CLASP1: variants seen among roughly 807,000 people sequenced by gnomAD.
The protein encoded by CLASP1 is cytoplasmic linker associated protein 1, also known as CLIP-associating protein 1.
In CLASP1, 38 loss-of-function variants were observed where a neutral mutation model predicts 192.3. The observed-to-expected ratio is 0.20, with a 90% confidence interval of 0.15 to 0.26. The LOEUF is 0.26. Ranked by LOEUF, CLASP1 falls within the 10% of genes least tolerant of loss-of-function variation. The pLI is 1.00. For synonymous variants in CLASP1, 691 were observed against 712.8 expected, an observed-to-expected ratio of 0.97 and a Z score of 0.49; for missense variants, 1,433 against 1,932.5, an observed-to-expected ratio of 0.74 and a Z score of 4.85.
intron 1 of CLASP1, among the ~76,000 whole-genome samples, chr2:121,624,858 A>G (rs1463203462): frequency 3.3e-5 from 5 of 152,250 alleles, no homozygotes; most frequent in Non-Finnish European, 7.3e-5. Flanking sequence ...TCATCATGAT[A>G]TGATATATTT....
chr2:121,625,553 G>A (rs1259808942), intron 1 of CLASP1, among the ~76,000 whole-genome samples: 3 of 148,900 alleles, frequency 2.0e-5, no homozygotes, highest in Non-Finnish European at 4.4e-5. Context: ...TCCTGCCTCA[G>A]CCTCCCAAGT....
chr2:121,624,510 G>A (rs1473417569), intron 1 of CLASP1, among the ~76,000 whole-genome samples: 1 of 152,072 alleles, frequency 6.6e-6, no homozygotes, highest in Non-Finnish European at 1.5e-5. Context: ...TCCACCTCCT[G>A]GGTCCAAGCT....
intron 2 of CLASP1, among the ~76,000 whole-genome samples, chr2:121,563,905 A>T (rs1178178229): frequency 6.6e-6 from 1 of 152,224 alleles, no homozygotes; most frequent in Non-Finnish European, 1.5e-5. Flanking sequence ...ACATGGCTGG[A>T]GAGGCCTCAC....
chr2:121,367,677 G>C (rs376007044), exon 35 of CLASP1: 4 of 1,613,920 alleles, frequency 2.5e-6, no homozygotes, highest in Admixed American at 1.7e-5. Context: ...GTAGGGGTAC[G>C]GGTTGTAGTC....
At chr2:121,340,984 A>G (rs2062710407) in intron 39 of CLASP1, 37 bp from the exon 41 acceptor site, 1 of 1,407,580 alleles carries the variant, frequency 7.1e-7, no homozygotes, top group Non-Finnish European at 9.9e-7. Context: ...AGCAGGAAGA[A>G]AAGCAATCAG....
intron 1 of CLASP1, among the ~76,000 whole-genome samples, chr2:121,617,062 A>C (rs1401445985): frequency 6.6e-6 from 1 of 152,224 alleles, no homozygotes; most frequent in Non-Finnish European, 1.5e-5. Flanking sequence ...GGGAATTGCA[A>C]GGATGGGGCA....
rs766613523 is a variant in CLASP1, at chr2:121,404,323, C to G, written c.2733+48G>C. The G allele has an allele frequency of 2.5e-6, 4 of 1,597,620 alleles. No individual in the cohort carries two copies. The Admixed American group carries it at 6.9e-5, about 28-fold the overall frequency. On this transcript the variant is annotated intron_variant, in intron 26 of 39. Coordinates refer to ENST00000263710, the Ensembl canonical transcript of CLASP1. Reference sequence around the variant, plus strand: ...CTTGGGTAGTATATCACACAGAGCACACAGACATGCAGGGGTAAAGACAGG... The same window carrying G: ...CTTGGGTAGTATATCACACAGAGCAGACAGACATGCAGGGGTAAAGACAGG...
chr2:121,441,140 C>A (rs1037195967), intron 19 of CLASP1, among the ~76,000 whole-genome samples: 2 of 152,170 alleles, frequency 1.3e-5, no homozygotes, highest in Admixed American at 1.3e-4. Flanking sequence ...TCTTGTTAGG[C>A]AAATGAAAAA....
chr2:121,605,934 C>CTAG (rs984704203), exon 2 of CLASP1: 5 of 1,585,084 alleles, frequency 3.2e-6, no homozygotes, highest in Non-Finnish European at 4.3e-6. Context: ...AGCTAGAGGG[C>CTAG]AGTCACGATG....
At chr2:121,562,321 T>A (rs1011411778) in intron 2 of CLASP1, among the ~76,000 whole-genome samples, 1 of 152,226 alleles carries the variant, frequency 6.6e-6, no homozygotes, top group Non-Finnish European at 1.5e-5. Flanking sequence ...GGATTTGAGT[T>A]CTTCAGAGGA....
intron 19 of CLASP1, among the ~76,000 whole-genome samples, chr2:121,435,006 A>G (rs2082065210): frequency 6.6e-6 from 1 of 151,202 alleles, no homozygotes; most frequent in Non-Finnish European, 1.5e-5. Context: ...TGTAGTCTTA[A>G]GTTTTAGATT....
intron 8 of CLASP1, among the ~76,000 whole-genome samples, chr2:121,474,566 C>G (rs910331317): frequency 6.6e-6 from 1 of 152,124 alleles, no homozygotes; most frequent in African/African-American, 2.4e-5. Context: ...GAAACCCCGT[C>G]TCTACTAAAC....
chr2:121,384,033 TATATATGTATATATACACAC>T (rs1230309066), intron 32 of CLASP1, among the ~76,000 whole-genome samples: 64 of 125,568 alleles, frequency 5.1e-4, no homozygotes, highest in South Asian at 7.5e-4. Flanking sequence ...CACACACACA[TATATATGTATATATACACAC>T]ATATATGTAT....
rs912125179 is a variant in CLASP1 at position 121,390,311 on chromosome 2, C to T, written c.3124-2405G>A. 3.9e-5 allele frequency among the ~76,000 whole-genome samples: 6 copies of T among 152,180 alleles called. No homozygotes were observed. The East Asian group carries it at 1.2e-3, about 29-fold the overall frequency. ...CTAGTGACTCAAAAAGTGGAGTACG[C>T]CACTGTTCTTGTCGGCATATGTGAA... On this transcript the variant is annotated intron_variant, in intron 30 of 39. Transcript: ENST00000263710.
chr2:121,353,482 C>T (rs2064869838), intron 37 of CLASP1, among the ~76,000 whole-genome samples: 1 of 152,164 alleles, frequency 6.6e-6, no homozygotes, highest in Admixed American at 6.6e-5. Context: ...CTCCTTCCTG[C>T]CTGTGTGGTG....
intron 2 of CLASP1, chr2:121,531,121 C>A (rs915828882): frequency 3.2e-6 from 2 of 627,788 alleles, no homozygotes; most frequent in Non-Finnish European, 5.8e-6. Flanking sequence ...TTTAGTGTCG[C>A]AAGTAAAGTT....
At chr2:121,451,749 C>T (rs1411486020) in intron 15 of CLASP1, 41 bp downstream of exon 15, 3 of 1,509,076 alleles carry the variant, frequency 2.0e-6, no homozygotes, top group Admixed American at 3.9e-5. Context: ...ACTCTAAAGG[C>T]TCAATTCAGA....
intron 19 of CLASP1, among the ~76,000 whole-genome samples, chr2:121,440,511 G>A (rs2083132314): frequency 6.6e-6 from 1 of 152,114 alleles, no homozygotes; most frequent in African/African-American, 2.4e-5. Flanking sequence ...ACCATCCTGG[G>A]CAACATGGCG....
rs191562361 is a variant in CLASP1 at position 121,384,131 on chromosome 2, T to C, written c.3375-1807A>G. Among the ~76,000 whole-genome samples, 356 of 134,942 alleles carry C rather than the reference T, an allele frequency of 2.6e-3. 1 individual carries two copies. Among genetic ancestry groups the C allele is most frequent in the Middle Eastern group, 4.0e-3 (1 of 248 alleles). The allele number at this position is 134,942 out of a possible 152,430, so 88.5% of individuals were successfully genotyped here. A position where few individuals can be genotyped will look rare whatever the true frequency, so the allele number is the denominator to read the frequency against. On this transcript the variant is annotated intron_variant, in intron 32 of 39. Coordinates refer to ENST00000263710, the Ensembl canonical transcript of CLASP1. The stretch of plus-strand genomic sequence containing the variant: ...ATGTATATATATATACACACATATA[T>C]ATGTATATATATATACACACACACA...
Sources: allele counts gnomAD v4.1 joint callset (sites outside exome capture counted in the v4.1 genomes callset), GRCh38; gene constraint gnomAD v4.1.1; transcripts MANE v1.5; gene names NCBI Gene and HGNC (gene_info 2026-07-23, HGNC 2026-07-21).